Variants in CCDC86 observed in about 807,000 individuals in gnomAD.
CCDC86 encodes coiled-coil domain containing 86, also known as coiled-coil domain-containing protein 86.
A neutral mutation model predicts 36.7 loss-of-function variants in CCDC86; 28 were observed. That is an observed-to-expected ratio of 0.76 (90% CI 0.57 to 1.05). The LOEUF (loss-of-function observed/expected upper bound fraction) is 1.05. Among genes scored for constraint, CCDC86 ranks in the 50% least tolerant of loss-of-function variants. The probability of loss-of-function intolerance (pLI) is 0.00; values close to 1 mark genes in which losing one functional copy is unlikely to be tolerated. For missense variants in CCDC86, 453 were observed against 470.2 expected, an observed-to-expected ratio of 0.96 and a Z score of 0.34; for synonymous variants, 199 against 203.4, an observed-to-expected ratio of 0.98 and a Z score of 0.18.
Position 60,847,991 on chromosome 11 carries a change from G to A in CCDC86, c.826G>A (p.Glu276Lys). 6.2e-7 allele frequency: 1 copy of A among 1,613,796 alleles called. No individual in the cohort carries two copies. Among genetic ancestry groups the A allele is most frequent in the African/African-American group, 1.3e-5 (1 of 75,064 alleles). ...GCAGCGGAAGATGAAGGAACGACAGGAGAGGAAGCTGGCCAAGGACTTTGC... is the reference window on the plus strand; with the variant it reads ...GCAGCGGAAGATGAAGGAACGACAGAAGAGGAAGCTGGCCAAGGACTTTGC... ...SWQRKMKERQ[E>K]RKLAKDFARH... Residue 276 changes from glutamate (E) to lysine (K), a missense_variant, in exon 2 of 4, where the codon GAG (glutamate) becomes AAG (lysine). By Grantham distance (56) the Glu-to-Lys change is moderately conservative. Transcript: ENST00000227520.
intron 1 of CCDC86, chr11:60,847,638 C>G (rs1196172578): frequency 5.4e-6 from 1 of 186,578 alleles, no homozygotes; most frequent in Non-Finnish European, 1.1e-5. Flanking sequence ...CTTTAGGCAG[C>G]TATTTAACCT....
In CCDC86 at chr11:60,850,512, C is replaced by A. The variant is rs7932772; in HGVS notation, c.*187C>A. On this transcript the variant is annotated 3_prime_UTR_variant, in exon 4 of 4. Coordinates refer to ENST00000227520, the MANE Select transcript of CCDC86 (RefSeq NM_024098.4). ...GGCAGGTCTGTGTGGGACAGAAGCC[C>A]AGAGGGGGCCTGGGACCTGGCAGAG... 6.0e-6 allele frequency: 4 copies of A among 665,448 alleles called. No individual in the cohort carries two copies. Among genetic ancestry groups the A allele is most frequent in the Non-Finnish European group, 9.6e-6 (4 of 417,344 alleles). The allele number at this position is 665,448 out of a possible 1,614,324, so 41.2% of individuals were successfully genotyped here.
Position 60,850,399 on chromosome 11 carries a change from C to T in CCDC86, c.*74C>T. Reference sequence around the variant, plus strand: ...AGCACCTCAGGCCGCTGCTCAGATGCCTCTGCTGGAGCTGGCACTCCAAAC... The same window carrying T: ...AGCACCTCAGGCCGCTGCTCAGATGTCTCTGCTGGAGCTGGCACTCCAAAC... On this transcript the variant is annotated 3_prime_UTR_variant, in exon 4 of 4. Coordinates refer to ENST00000227520, the MANE Select transcript of CCDC86 (RefSeq NM_024098.4). 1 of 1,548,952 alleles carries T rather than the reference C, an allele frequency of 6.5e-7. No individual in the cohort carries two copies. The highest frequency in any genetic ancestry group is 8.8e-7 in the Non-Finnish European group (1 of 1,141,244).
In CCDC86 at chr11:60,842,216, C is replaced by A; in HGVS notation, c.92C>A (p.Ala31Asp). 1 of 1,613,388 alleles carries A rather than the reference C, an allele frequency of 6.2e-7. No homozygotes were observed. The highest frequency in any genetic ancestry group is 8.5e-7 in the Non-Finnish European group (1 of 1,179,874). Residue 31 changes from alanine (A) to aspartate (D), a missense_variant, in exon 1 of 4, where the codon GCC (alanine) becomes GAC (aspartate). Coordinates refer to ENST00000227520, the MANE Select transcript of CCDC86 (RefSeq NM_024098.4). ...SLTSVSRTRRALVEFESNPEE... is the reference protein window; with the variant it reads ...SLTSVSRTRRDLVEFESNPEE... ...ACCTCAGTTTCGCGGACGAGACGGG[C>A]CCTTGTGGAGTTCGAGTCGAACCCA...
chr11:60,842,739 G>A lies in CCDC86; in HGVS notation c.615G>A (p.Val205=). The part of the protein sequence containing the change: ...PSKPPPAGET[V]TGGFGAKKRK... ...AGCCACCTCCAGCTGGGGAGACGGT[G>A]ACAGGCGGCTTCGGGGCAAAGAAGC... The change falls in exon 1 of 4, where the codon GTG becomes GTA. Residue 205 remains valine, a synonymous_variant. Transcript: ENST00000227520. 6.2e-7 allele frequency: 1 copy of A among 1,613,620 alleles called. No homozygotes were observed. Among genetic ancestry groups the A allele is most frequent in the Non-Finnish European group, 8.5e-7 (1 of 1,179,636 alleles).
Position 60,842,567 on chromosome 11 carries a change from G to C in CCDC86, c.443G>C (p.Gly148Ala). The C allele has an allele frequency of 6.2e-7, 1 of 1,613,118 alleles. No individual in the cohort carries two copies. The highest frequency in any genetic ancestry group is 8.5e-7 in the Non-Finnish European group (1 of 1,179,798). Residue 148 changes from glycine to alanine, a missense_variant, in exon 1 of 4, where the codon GGG becomes GCG. Coordinates refer to ENST00000227520, the MANE Select transcript of CCDC86 (RefSeq NM_024098.4). ...LAQNKEELTP[G>A]APQHQLPPVP... ...CAGAATAAGGAGGAGCTGACCCCGG[G>C]GGCCCCCCAGCATCAGCTACCGCCG...
chr11:60,846,514 A>G (rs564127471), intron 1 of CCDC86, among the ~76,000 whole-genome samples: 9 of 152,262 alleles, frequency 5.9e-5, no homozygotes, highest in African/African-American at 2.2e-4. Flanking sequence ...ATCAGCATCA[A>G]CACAGCTCAG....
rs369158439 is a variant in CCDC86, at chr11:60,850,458, C to T, written c.*133C>T. The stretch of plus-strand genomic sequence containing the variant: ...CCAGAACAGGGACCCCCACCCCGAC[C>T]GGGGCTCCTCGGCCTTTGAAGGCTT... On this transcript the variant is annotated 3_prime_UTR_variant, in exon 4 of 4. Transcript: ENST00000227520. 4.6e-4 allele frequency: 561 copies of T among 1,216,530 alleles called. 4 individuals carry two copies. In the South Asian group the frequency reaches 6.8e-3, roughly 15 times the overall value. 75.4% of individuals were successfully genotyped at this position (1,216,530 alleles called of 1,614,324 possible). A position where few individuals can be genotyped will look rare whatever the true frequency, so the allele number is the denominator to read the frequency against.
At chr11:60,844,362 C>T (rs488731) in intron 1 of CCDC86, among the ~76,000 whole-genome samples, 38,041 of 152,124 alleles carry the variant, frequency 0.25, 6,070 homozygotes, top group East Asian at 0.73. Context: ...TCACTCAGAG[C>T]ATGCACTCCA....
Position 60,842,356 on chromosome 11 carries a change from T to G in CCDC86, c.232T>G (p.Leu78Val). The change falls in exon 1 of 4, where the codon TTG (leucine) becomes GTG (valine). Residue 78 changes from leucine to valine, a missense_variant. By Grantham distance (32) the Leu-to-Val change is conservative (BLOSUM62 1). Coordinates refer to ENST00000227520, the MANE Select transcript of CCDC86 (RefSeq NM_024098.4). Reference sequence around the variant, plus strand: ...ACCCCGTCTGCAGCAGGGTGCAGGCTTGGAGTCACCCCAAGGGCAGCCAGA... The same window carrying G: ...ACCCCGTCTGCAGCAGGGTGCAGGCGTGGAGTCACCCCAAGGGCAGCCAGA... ...GSPRLQQGAG[L>V]ESPQGQPEPG... 6.2e-7 allele frequency: 1 copy of G among 1,613,814 alleles called. No homozygotes were observed. The highest frequency in any genetic ancestry group is 8.5e-7 in the Non-Finnish European group (1 of 1,179,962).
At position 60,842,463 on chromosome 11, in the gene CCDC86, C is replaced by A. The variant is rs759197238; in HGVS notation, c.339C>A (p.Ser113=). The change falls in exon 1 of 4, where the codon TCC becomes TCA. Residue 113 remains serine, a synonymous_variant. Coordinates refer to ENST00000227520, the MANE Select transcript of CCDC86 (RefSeq NM_024098.4). ...GACAGCCAGAGTACAGTCCTGAATC[C>A]CCACGATGTCAGCCGAAGCCAAGTG... ...PQRQPEYSPE[S]PRCQPKPSEE... 1.9e-6 allele frequency: 3 copies of A among 1,613,628 alleles called. No individual in the cohort carries two copies. The Admixed American group carries it at 5.0e-5, about 27-fold the overall frequency.
At chr11:60,846,472 C>T (rs1855183647) in intron 1 of CCDC86, among the ~76,000 whole-genome samples, 1 of 152,132 alleles carries the variant, frequency 6.6e-6, no homozygotes, top group Non-Finnish European at 1.5e-5. Flanking sequence ...TTCAAGCATA[C>T]AAAGAAAGAG....
intron 2 of CCDC86, 34 bp from the exon 3 acceptor site, chr11:60,849,906 C>G: frequency 6.3e-7 from 1 of 1,595,080 alleles, no homozygotes; most frequent in Non-Finnish European, 8.6e-7. Context: ...GCCTCTGCTC[C>G]CCGACTCAAA....
chr11:60,847,115 G>A (rs1467578697), intron 1 of CCDC86, among the ~76,000 whole-genome samples: 1 of 144,580 alleles, frequency 6.9e-6, no homozygotes, highest in African/African-American at 2.6e-5. Context: ...ACAGAGTCTT[G>A]CTCTGTCACC....
intron 1 of CCDC86, 38 bp downstream of exon 1, chr11:60,842,920 C>A (rs1334138916): frequency 2.6e-6 from 4 of 1,529,852 alleles, no homozygotes; most frequent in Non-Finnish European, 3.5e-6. Flanking sequence ...GTGGCGTTCT[C>A]TATGGTGTTG....
chr11:60,849,953 G>T lies in CCDC86; in HGVS notation c.902G>T (p.Arg301Leu), dbSNP rs148437608. ...KERRRQEKKQRRAENLKRRLE... is the reference protein window; with the variant it reads ...KERRRQEKKQLRAENLKRRLE... ...CACATGTTCCAGGAGAAGAAACAGCGCCGGGCTGAGAACCTGAAACGCCGC... is the reference window on the plus strand; with the variant it reads ...CACATGTTCCAGGAGAAGAAACAGCTCCGGGCTGAGAACCTGAAACGCCGC... The change falls in exon 3 of 4, where the codon CGC becomes CTC. Residue 301 changes from arginine to leucine, a missense_variant. Physicochemically the swap from Arg to Leu is moderately radical, Grantham distance 102 (BLOSUM62 -2). Coordinates refer to ENST00000227520, the MANE Select transcript of CCDC86 (RefSeq NM_024098.4). 3.9e-4 allele frequency: 622 copies of T among 1,614,056 alleles called. 9 individuals carry two copies. In the East Asian group the frequency reaches 0.014, roughly 35 times the overall value.
intron 2 of CCDC86, among the ~76,000 whole-genome samples, chr11:60,849,431 C>T (rs1457560557): frequency 1.3e-5 from 2 of 152,210 alleles, no homozygotes; most frequent in Non-Finnish European, 2.9e-5. Context: ...GCCCAGATAG[C>T]TCCAGAGCCT....
In CCDC86 at chr11:60,849,965, A is replaced by G; in HGVS notation, c.914A>G (p.Asn305Ser). Residue 305 changes from asparagine to serine, a missense_variant, in exon 3 of 4, where the codon AAC (asparagine) becomes AGC (serine). Physicochemically the swap from Asn to Ser is conservative, Grantham distance 46. Coordinates refer to ENST00000227520, the MANE Select transcript of CCDC86 (RefSeq NM_024098.4). ...RQEKKQRRAE[N>S]LKRRLENERK... ...GAGAAGAAACAGCGCCGGGCTGAGA[A>G]CCTGAAACGCCGCCTGGAGAATGAG... The G allele has an allele frequency of 2.5e-6, 4 of 1,614,160 alleles. No homozygotes were observed. Among genetic ancestry groups the G allele is most frequent in the Non-Finnish European group, 3.4e-6 (4 of 1,180,022 alleles).
chr11:60,850,307 G>A lies in CCDC86; in HGVS notation c.1065G>A (p.Gln355=), dbSNP rs1565097032. Residue 355 remains glutamine, a synonymous_variant, in exon 4 of 4, where the codon CAG becomes CAA. Coordinates refer to ENST00000227520, the MANE Select transcript of CCDC86 (RefSeq NM_024098.4). ...TGCTGCAGAAGCAGCCGCCCCAGCA[G>A]CCGGCAGCCAAGATCTGAGCTCAGG... ...LALLQKQPPQ[Q]PAAKI is the part of the protein sequence containing the mutation. 1 of 1,614,160 alleles carries A rather than the reference G, an allele frequency of 6.2e-7. No homozygotes were observed. The highest frequency in any genetic ancestry group is 1.1e-5 in the South Asian group (1 of 91,078).
Sources: gnomAD v4.1 joint callset for allele counts (sites outside exome capture counted in the v4.1 genomes callset) on GRCh38, gnomAD v4.1.1 for gene constraint, MANE v1.5 for transcripts, NCBI Gene and HGNC (gene_info 2026-07-23, HGNC 2026-07-21) for gene names.